The following MDGA2 variants were observed in gnomAD, a reference collection of about 807,000 sequenced individuals.
MDGA2 encodes MAM domain-containing glycosylphosphatidylinositol anchor protein 2.
A neutral mutation model predicts 117.8 loss-of-function variants in MDGA2; 40 were observed. The observed-to-expected ratio is 0.34, with a 90% CI of 0.26 to 0.44. The LOEUF is 0.44. Among genes scored for constraint, MDGA2 ranks in the 20% least tolerant of loss-of-function variants. MDGA2 has a pLI of 1.00. For synonymous variants in MDGA2, 452 were observed against 439.0 expected (o/e 1.03, Z -0.37); for missense variants, 1,123 against 1,250.6 (o/e 0.90, Z 1.54).
intron 4 of MDGA2, among the ~76,000 whole-genome samples, chr14:47,132,891 A>G (rs1427528926): frequency 6.6e-6 from 1 of 151,892 alleles, no homozygotes; most frequent in East Asian, 1.9e-4. Flanking sequence ...ATACTTTCAT[A>G]TGTTATAGAG....
intron 1 of MDGA2, among the ~76,000 whole-genome samples, chr14:47,462,645 C>G (rs888450080): frequency 2.0e-5 from 3 of 151,994 alleles, no homozygotes; most frequent in Admixed American, 6.6e-5. Flanking sequence ...TCAGAATCTC[C>G]CAGGGAAAGA....
At chr14:46,870,368 A>G (rs1881946912) in intron 14 of MDGA2, among the ~76,000 whole-genome samples, 1 of 152,020 alleles carries the variant, frequency 6.6e-6, no homozygotes, top group African/African-American at 2.4e-5. Flanking sequence ...TGGATTTCCA[A>G]AAGAATGACT....
At chr14:47,043,536 G>T (rs1198646481) in intron 7 of MDGA2, among the ~76,000 whole-genome samples, 1 of 151,928 alleles carries the variant, frequency 6.6e-6, no homozygotes, top group Non-Finnish European at 1.5e-5. Flanking sequence ...AGATCTGATT[G>T]ACTAATGTCT....
At chr14:47,493,723 C>T (rs8014230) in intron 1 of MDGA2, among the ~76,000 whole-genome samples, 5,878 of 152,198 alleles carry the variant, frequency 0.039, 387 homozygotes, top group African/African-American at 0.13. Flanking sequence ...TTTTCTCTCC[C>T]ATAGATAATT....
chr14:47,312,418 A>G lies in MDGA2; in HGVS notation c.281-10868T>C, dbSNP rs189355502. Among the ~76,000 whole-genome samples the G allele has an allele frequency of 2.4e-4, 36 of 152,260 alleles. No individual in the cohort carries two copies. The East Asian group carries it at 7.0e-3, about 29-fold the overall frequency. On this transcript the variant is annotated intron_variant, in intron 1 of 16. Coordinates refer to ENST00000399232, the MANE Select transcript of MDGA2 (RefSeq NM_001113498.3). ...AGCAAGACCCTACTTTCAGTGGTAA[A>G]GAGAATATACTTCATTCTCCTGAAT... is the stretch of plus-strand genomic sequence containing the variant.
chr14:47,106,097 TTCA>T (rs763270600), intron 5 of MDGA2, among the ~76,000 whole-genome samples: 25 of 152,168 alleles, frequency 1.6e-4, no homozygotes, highest in Non-Finnish European at 3.1e-4. Flanking sequence ...TAGGCTTTTT[TTCA>T]TCAAATATAA....
intron 15 of MDGA2, among the ~76,000 whole-genome samples, chr14:46,853,222 CTA>C (rs1881131848): frequency 6.6e-6 from 1 of 151,700 alleles, no homozygotes; most frequent in Non-Finnish European, 1.5e-5. Flanking sequence ...GCAGAAGAAA[CTA>C]TTGTTGAATG....
chr14:47,242,320 C>G (rs2139608691), intron 2 of MDGA2, among the ~76,000 whole-genome samples: 1 of 152,104 alleles, frequency 6.6e-6, no homozygotes, highest in South Asian at 2.1e-4. Flanking sequence ...AGCACCTCCC[C>G]TGCCTGGGCT....
At chr14:47,648,794 A>C (rs141376102) in intron 1 of MDGA2, among the ~76,000 whole-genome samples, 1 of 152,144 alleles carries the variant, frequency 6.6e-6, no homozygotes, top group Non-Finnish European at 1.5e-5. Context: ...AGTTCATAAG[A>C]AAGTGTTCAT....
rs562817629 is a variant in MDGA2 at position 47,266,254 on chromosome 14, C to T, written c.420+35157G>A. Among the ~76,000 whole-genome samples the T allele has an allele frequency of 1.5e-4, 23 of 152,276 alleles. No homozygotes were observed. The South Asian group carries it at 4.1e-3, about 27-fold the overall frequency. ...CATATTATCTCTACTCACCTGTCCT[C>T]TGTCTACCCAGTGTTCAAACTAGAA... On this transcript the variant is annotated intron_variant, in intron 2 of 16. Transcript: ENST00000399232.
chr14:47,075,642 C>A (rs563487721), intron 6 of MDGA2, among the ~76,000 whole-genome samples: 1 of 152,178 alleles, frequency 6.6e-6, no homozygotes, highest in South Asian at 2.1e-4. Flanking sequence ...CACTATATCA[C>A]CAAGCTACTC....
At chr14:47,213,794 A>C (rs546097532) in intron 3 of MDGA2, among the ~76,000 whole-genome samples, 1 of 152,178 alleles carries the variant, frequency 6.6e-6, no homozygotes, top group South Asian at 2.1e-4. Flanking sequence ...TCATACCACT[A>C]TAACTGCCCA....
intron 5 of MDGA2, among the ~76,000 whole-genome samples, chr14:47,121,827 A>G (rs1392263276): frequency 6.6e-6 from 1 of 152,104 alleles, no homozygotes; most frequent in Non-Finnish European, 1.5e-5. Context: ...TTTTTCTACT[A>G]GAAATATTGA....
chr14:47,299,691 G>A (rs1889209409), intron 2 of MDGA2, among the ~76,000 whole-genome samples: 1 of 152,022 alleles, frequency 6.6e-6, no homozygotes, highest in South Asian at 2.1e-4. Flanking sequence ...AAATGAAAAT[G>A]TTTCACATAT....
At chr14:47,179,566 G>A (rs571448625) in intron 3 of MDGA2, among the ~76,000 whole-genome samples, 1 of 151,690 alleles carries the variant, frequency 6.6e-6, no homozygotes, top group East Asian at 1.9e-4. Flanking sequence ...AAAGGTTTGG[G>A]GTTTTCTTTG....
At chr14:47,340,167 G>T (rs1890578048) in intron 1 of MDGA2, among the ~76,000 whole-genome samples, 1 of 152,024 alleles carries the variant, frequency 6.6e-6, no homozygotes, top group South Asian at 2.1e-4. Flanking sequence ...TAATTTAGGG[G>T]TCCTCAGTTT....
chr14:47,242,885 T>C lies in MDGA2; in HGVS notation c.421-24690A>G, dbSNP rs925952090. Among the ~76,000 whole-genome samples, 6 of 151,778 alleles carry C rather than the reference T, an allele frequency of 4.0e-5. 1 individual carries two copies. Among genetic ancestry groups the C allele is most frequent in the South Asian group, 4.2e-4 (2 of 4,802 alleles). On this transcript the variant is annotated intron_variant, in intron 2 of 16. Transcript: ENST00000399232. Reference sequence around the variant, plus strand: ...CCTGCAGCCCCGGTGTGGGATCCACTAGGTGAAGCCAGCTGGGCTCCTGAG... The same window carrying C: ...CCTGCAGCCCCGGTGTGGGATCCACCAGGTGAAGCCAGCTGGGCTCCTGAG...
At chr14:47,231,950 T>A (rs1326938442) in intron 2 of MDGA2, among the ~76,000 whole-genome samples, 1 of 152,040 alleles carries the variant, frequency 6.6e-6, no homozygotes, top group Non-Finnish European at 1.5e-5. Flanking sequence ...GATGGTAAGA[T>A]CAAATGGGTT....
chr14:47,058,644 C>T, intron 7 of MDGA2: 1 of 984,706 alleles, frequency 1.0e-6, no homozygotes, highest in Non-Finnish European at 1.2e-6. Context: ...TTAATGATGT[C>T]AGTTGAATCA....
Sources: allele counts gnomAD v4.1 joint callset (sites outside exome capture counted in the v4.1 genomes callset), GRCh38; gene constraint gnomAD v4.1.1; transcripts MANE v1.5; gene names NCBI Gene and HGNC (gene_info 2026-07-23, HGNC 2026-07-21).